ERCC2: variants seen among roughly 807,000 people sequenced by gnomAD.
ERCC2 encodes general transcription and DNA repair factor IIH helicase subunit XPD.
In ERCC2, 90 loss-of-function variants were observed where a neutral mutation model predicts 99.4. The ratio of observed to expected loss-of-function variants is 0.91; its 90% CI spans 0.76 to 1.08. The LOEUF is 1.08. ERCC2 is among the 50% of genes least tolerant of loss of function. ERCC2 has a pLI of 0.00. For synonymous variants in ERCC2, 497 were observed against 432.4 expected (o/e 1.15, Z -1.85); for missense variants, 993 against 1,038.1 (o/e 0.96, Z 0.60).
rs1971650507 is a variant in ERCC2 at position 45,350,095 on chromosome 19, T to C, written c.*1534A>G. 3.8e-6 allele frequency: 2 copies of C among 529,374 alleles called. No individual in the cohort carries two copies. Among genetic ancestry groups the C allele is most frequent in the Non-Finnish European group, 6.8e-6 (2 of 295,456 alleles). The allele number at this position is 529,374 out of a possible 1,614,324, so 32.8% of individuals were successfully genotyped here. The stretch of plus-strand genomic sequence containing the variant: ...ACCCACTCTGCCCCAGGGCAAGGCT[T>C]TAGGCAGGGGAAGGATACGGCCAGG... On this transcript the variant is annotated 3_prime_UTR_variant, in exon 23 of 23. Transcript: ENST00000391945.
rs555015641 is a variant in ERCC2, at chr19:45,357,045, C to T, written c.1479+225G>A. Among the ~76,000 whole-genome samples, 6 of 152,340 alleles carry T rather than the reference C, an allele frequency of 3.9e-5. No homozygotes were observed. The South Asian group carries it at 1.2e-3, about 32-fold the overall frequency. On this transcript the variant is annotated intron_variant, in intron 15 of 22. Coordinates refer to ENST00000391945, the MANE Select transcript of ERCC2 (RefSeq NM_000400.4). ...CTCTCTCTCAATCCTCTCAACCACC[C>T]TGGGAGATCAGGGAGGATACATTCC...
In ERCC2 at chr19:45,368,646, A is replaced by C; in HGVS notation, c.344T>G (p.Leu115Trp). Residue 115 changes from leucine to tryptophan, a missense_variant, in exon 5 of 23, where the codon TTG (leucine) becomes TGG (tryptophan). Around this residue, in one of 3 missense-constraint regions of ERCC2, gnomAD observed 909 missense variants for 930.8 expected, o/e 0.98. Coordinates refer to ENST00000391945, the MANE Select transcript of ERCC2 (RefSeq NM_000400.4). ...LGLALSSRKN[L>W]CIHPEVTPLR... ...GGTGCTCACCTCAGGGTGAATACAC[A>C]AGTTTTTGCGGGAGCTCAGAGCCAG... 1 of 1,613,068 alleles carries C rather than the reference A, an allele frequency of 6.2e-7. No individual in the cohort carries two copies. Among genetic ancestry groups the C allele is most frequent in the East Asian group, 2.2e-5 (1 of 44,876 alleles).
intron 15 of ERCC2, among the ~76,000 whole-genome samples, chr19:45,356,035 G>A (rs1349048085): frequency 2.0e-5 from 3 of 152,148 alleles, no homozygotes; most frequent in African/African-American, 7.2e-5. Flanking sequence ...AATGACCTGG[G>A]CTCAGAGAAG....
chr19:45,357,361 G>A lies in ERCC2; in HGVS notation c.1388C>T (p.Pro463Leu). Residue 463 changes from proline (P) to leucine (L), a missense_variant, in exon 15 of 23, where the codon CCG becomes CTG. Pro to Leu is a moderately conservative substitution (Grantham distance 98). Around this residue, in one of 3 missense-constraint regions of ERCC2, gnomAD observed 909 missense variants for 930.8 expected, o/e 0.98. Coordinates refer to ENST00000391945, the MANE Select transcript of ERCC2 (RefSeq NM_000400.4). Reference protein sequence around the residue: ...SVIITSGTLSPLDIYPKILDF... With the variant: ...SVIITSGTLSLLDIYPKILDF... ...CAGGATCTTGGGGTAGATGTCCAGC[G>A]GGGACAGTGTCTGTGGCGGGACAGT... 1 of 1,613,770 alleles carries A rather than the reference G, an allele frequency of 6.2e-7. No individual in the cohort carries two copies. The highest frequency in any genetic ancestry group is 8.5e-7 in the Non-Finnish European group (1 of 1,179,666).
At chr19:45,354,677 G>A (rs1240241643) in intron 17 of ERCC2, 53 bp downstream of exon 17, 3 of 1,609,096 alleles carry the variant, frequency 1.9e-6, no homozygotes, top group Non-Finnish European at 2.5e-6. Flanking sequence ...ACATAGCGGT[G>A]CAGTGCCAGG....
chr19:45,364,345 A>G lies in ERCC2; in HGVS notation c.719-14T>C, dbSNP rs764373450. Reference sequence around the variant, plus strand: ...TGCAGACGTTGTCTGGAGAAGGGGGAGAGAGCCGGCTCAGGCAGGCCTGCA... The same window carrying G: ...TGCAGACGTTGTCTGGAGAAGGGGGGGAGAGCCGGCTCAGGCAGGCCTGCA... On this transcript the variant is annotated splice_polypyrimidine_tract_variant and intron_variant, in intron 8 of 22. Transcript: ENST00000391945. 6.2e-7 allele frequency: 1 copy of G among 1,613,704 alleles called. No individual in the cohort carries two copies. Among genetic ancestry groups the G allele is most frequent in the South Asian group, 1.1e-5 (1 of 91,070 alleles).
rs1411839178 is a variant in ERCC2, at chr19:45,364,260, C to T, written c.790G>A (p.Glu264Lys). 4 of 1,613,950 alleles carry T rather than the reference C, an allele frequency of 2.5e-6. No individual in the cohort carries two copies. In the South Asian group the frequency reaches 3.3e-5, roughly 13 times the overall value. ...RTLDRCQGNLETLQKTVLRIK... is the reference protein window; with the variant it reads ...RTLDRCQGNLKTLQKTVLRIK... ...CTGAGCACCGTCTTCTGCAGGGTCT[C>T]CAGGTTGCCCTGGCACCGGTCAAGG... The change falls in exon 9 of 23, where the codon GAG becomes AAG. Residue 264 changes from glutamate (E) to lysine (K), a missense_variant. Glu to Lys is a moderately conservative substitution (Grantham distance 56). Transcript: ENST00000391945.
chr19:45,355,830 TTTTA>T, intron 15 of ERCC2, 102 bp from the exon 16 acceptor site: 27 of 938,504 alleles, frequency 2.9e-5, no homozygotes, highest in Non-Finnish European at 4.2e-5. Context: ...TTTTTTTTTT[TTTTA>T]AAGAGAGACA....
chr19:45,363,981 C>T lies in ERCC2; in HGVS notation c.949+5G>A, dbSNP rs899469885. 2 of 1,539,670 alleles carry T rather than the reference C, an allele frequency of 1.3e-6. No individual in the cohort carries two copies. The highest frequency in any genetic ancestry group is 2.0e-5 in the Admixed American group (1 of 51,062). On this transcript the variant is annotated splice_donor_5th_base_variant and intron_variant, in intron 10 of 22. Transcript: ENST00000391945. Reference sequence around the variant, plus strand: ...ACTGGGGGGCAGCGGGGGGTCGGGGCTCACCCTGCAGCACTTCGTCGGGCA... The same window carrying T: ...ACTGGGGGGCAGCGGGGGGTCGGGGTTCACCCTGCAGCACTTCGTCGGGCA...
At chr19:45,361,004 G>A (rs142734126) in intron 12 of ERCC2, among the ~76,000 whole-genome samples, 32 of 152,074 alleles carry the variant, frequency 2.1e-4, no homozygotes, top group African/African-American at 6.5e-4. Flanking sequence ...AGTGGCATGC[G>A]CCTGTAGTCC....
At position 45,358,758 on chromosome 19, in the gene ERCC2, A is replaced by AT. The variant is rs1223759174; in HGVS notation, c.1238-1060dup. The AT allele has an allele frequency of 9.1e-5, 69 of 755,056 alleles. 1 individual carries two copies. In the Middle Eastern group the frequency reaches 9.2e-4, roughly 10 times the overall value. The allele number at this position is 755,056 out of a possible 1,614,324, so 46.8% of individuals were successfully genotyped here. ...CAGACATATTCCAACACAACAATGTATTTTTTTTCATGATAACTGTCACTT... is the reference window on the plus strand; with the variant it reads ...CAGACATATTCCAACACAACAATGTATTTTTTTTTCATGATAACTGTCACTT... On this transcript the variant is annotated intron_variant, in intron 12 of 22. Transcript: ENST00000391945.
chr19:45,354,688 G>C (rs1210137215), intron 17 of ERCC2, 42 bp downstream of exon 17: 1 of 1,611,720 alleles, frequency 6.2e-7, no homozygotes, highest in Admixed American at 1.7e-5. Flanking sequence ...CAGTGCCAGG[G>C]ACTGAGGAGA....
Position 45,352,233 on chromosome 19 carries a change from C to T in ERCC2, c.2166G>A (p.Arg722=), listed in dbSNP as rs1343178605. ...EGVQVAKYFL[R]QMAQPFHRED... ...CCCGGTGGAAGGGCTGTGCCATCTGCCGCAGGAAGTACTTGGCCACCTGGA... is the reference window on the plus strand; with the variant it reads ...CCCGGTGGAAGGGCTGTGCCATCTGTCGCAGGAAGTACTTGGCCACCTGGA... The change falls in exon 22 of 23, where the codon CGG becomes CGA. Residue 722 remains arginine (R), a synonymous_variant. Transcript: ENST00000391945. The T allele has an allele frequency of 6.2e-7, 1 of 1,614,046 alleles. No individual in the cohort carries two copies. Among genetic ancestry groups the T allele is most frequent in the Non-Finnish European group, 8.5e-7 (1 of 1,180,010 alleles).
At chr19:45,366,553 G>T (rs1269226382) in intron 5 of ERCC2, among the ~76,000 whole-genome samples, 4 of 152,196 alleles carry the variant, frequency 2.6e-5, no homozygotes, top group African/African-American at 9.7e-5. Flanking sequence ...CAGGGCCTAA[G>T]AATCAAAGGA....
At position 45,350,067 on chromosome 19, in the gene ERCC2, C is replaced by G; in HGVS notation, c.*1562G>C. On this transcript the variant is annotated 3_prime_UTR_variant, in exon 23 of 23. Transcript: ENST00000391945. ...CAGGGCAGGAAGTAAGGCCGAGCTCCAAACCCACTCTGCCCCAGGGCAAGG... is the reference window on the plus strand; with the variant it reads ...CAGGGCAGGAAGTAAGGCCGAGCTCGAAACCCACTCTGCCCCAGGGCAAGG... 1 of 493,822 alleles carries G rather than the reference C, an allele frequency of 2.0e-6. No homozygotes were observed. The highest frequency in any genetic ancestry group is 3.6e-6 in the Non-Finnish European group (1 of 275,720). 30.6% of individuals were successfully genotyped at this position (493,822 alleles called of 1,614,324 possible).
Position 45,351,037 on chromosome 19 carries a change from CAA to C in ERCC2, c.*590_*591del, listed in dbSNP as rs765102210. The C allele has an allele frequency of 6.2e-6, 10 of 1,613,808 alleles. No homozygotes were observed. The Admixed American group carries it at 1.7e-4, about 27-fold the overall frequency. On this transcript the variant is annotated 3_prime_UTR_variant, in exon 23 of 23. Coordinates refer to ENST00000391945, the MANE Select transcript of ERCC2 (RefSeq NM_000400.4). ...ACTCAGGTGAGGGGGACATCTGGGTCAAAAATAGAGGAGGCCATGTGGGTAGG... is the reference window on the plus strand; with the variant it reads ...ACTCAGGTGAGGGGGACATCTGGGTCAAATAGAGGAGGCCATGTGGGTAGG...
Position 45,352,833 on chromosome 19 carries a change from A to G in ERCC2, c.1832-17T>C. 1 of 1,608,232 alleles carries G rather than the reference A, an allele frequency of 6.2e-7. No individual in the cohort carries two copies. Among genetic ancestry groups the G allele is most frequent in the Non-Finnish European group, 8.5e-7 (1 of 1,177,770 alleles). On this transcript the variant is annotated splice_polypyrimidine_tract_variant and intron_variant, in intron 19 of 22. Coordinates refer to ENST00000391945, the MANE Select transcript of ERCC2 (RefSeq NM_000400.4). The stretch of plus-strand genomic sequence containing the variant: ...AGTGGTGCACTGGTGGGCAGAGGAG[A>G]GGGGGCGAGGGGGGTTACAAGTGTG...
chr19:45,351,465 T>TACC lies in ERCC2; in HGVS notation c.*161_*163dup. ...CTCCTGGCCCCCCCTTGCCTCTGGG[T>TACC]ACCTGGTGGATAGCTGCCTTCTCCT... On this transcript the variant is annotated 3_prime_UTR_variant, in exon 23 of 23. Coordinates refer to ENST00000391945, the MANE Select transcript of ERCC2 (RefSeq NM_000400.4). 6.3e-7 allele frequency: 1 copy of TACC among 1,583,320 alleles called. No homozygotes were observed. The highest frequency in any genetic ancestry group is 1.7e-5 in the Admixed American group (1 of 59,080).
At position 45,366,249 on chromosome 19, in the gene ERCC2, TCTC is replaced by T. The variant is rs541983574; in HGVS notation, c.361-1094_361-1092del. Among the ~76,000 whole-genome samples the T allele has an allele frequency of 1.6e-4, 24 of 152,118 alleles. No homozygotes were observed. In the South Asian group the frequency reaches 3.7e-3, roughly 24 times the overall value. ...CCTCCGCCTCCCAGGTTCAAGCGAT[TCTC>T]CTGTCTCAGCCTCCCGAGTAGCTGG... On this transcript the variant is annotated intron_variant, in intron 5 of 22. Transcript: ENST00000391945.
Sources: allele counts gnomAD v4.1 joint callset (sites outside exome capture counted in the v4.1 genomes callset), GRCh38; gene constraint gnomAD v4.1.1; regional missense constraint gnomAD v4.1.1; transcripts MANE v1.5; gene names NCBI Gene and HGNC (gene_info 2026-07-23, HGNC 2026-07-21).